ZSWIM5: variants seen among roughly 807,000 people sequenced by gnomAD.
ZSWIM5 encodes zinc finger SWIM-type containing 5.
In ZSWIM5, 55 loss-of-function variants were observed where a neutral mutation model predicts 119.6. The observed-to-expected ratio is 0.46, with a 90% CI of 0.37 to 0.58. The LOEUF is 0.58. ZSWIM5 is among the 20% of genes least tolerant of loss of function. The probability of loss-of-function intolerance (pLI) is 0.00; values close to 1 mark genes in which losing one functional copy is unlikely to be tolerated. For missense variants in ZSWIM5, 1,193 were observed against 1,512.8 expected, an observed-to-expected ratio of 0.79 and a Z score of 3.51; for synonymous variants, 537 against 606.9, an observed-to-expected ratio of 0.88 and a Z score of 1.69.
At chr1:45,038,789 T>G in intron 8 of ZSWIM5, 147 bp downstream of exon 8, 1 of 890,204 alleles carries the variant, frequency 1.1e-6, no homozygotes, top group East Asian at 2.8e-5. Flanking sequence ...AGAGACAGGG[T>G]TTTGCCATGT....
chr1:45,050,263 A>G (rs574307015), intron 5 of ZSWIM5, among the ~76,000 whole-genome samples: 1 of 152,172 alleles, frequency 6.6e-6, no homozygotes, highest in Non-Finnish European at 1.5e-5. Context: ...AGGCTGAGGC[A>G]TGAGAATTGC....
At chr1:45,030,512 G>A (rs1644946672) in intron 11 of ZSWIM5, among the ~76,000 whole-genome samples, 1 of 152,224 alleles carries the variant, frequency 6.6e-6, no homozygotes, top group South Asian at 2.1e-4. Context: ...CTCCCAAAGT[G>A]CTGGGATTAC....
intron 7 of ZSWIM5, among the ~76,000 whole-genome samples, chr1:45,039,571 A>T (rs1645006850): frequency 6.6e-6 from 1 of 151,942 alleles, no homozygotes; most frequent in Non-Finnish European, 1.5e-5. Flanking sequence ...TTTTGATAGA[A>T]CTGGGGTTTC....
intron 1 of ZSWIM5, among the ~76,000 whole-genome samples, chr1:45,194,645 A>C (rs1646111381): frequency 6.6e-6 from 1 of 152,162 alleles, no homozygotes; most frequent in African/African-American, 2.4e-5. Context: ...TGGGAGGCCG[A>C]GGTGGGCGGA....
chr1:45,076,202 A>G (rs1050116543), intron 2 of ZSWIM5, among the ~76,000 whole-genome samples: 1 of 151,988 alleles, frequency 6.6e-6, no homozygotes, highest in Non-Finnish European at 1.5e-5. Flanking sequence ...ACTTACTATC[A>G]CCAGTGAGTT....
At chr1:45,034,080 C>T (rs1195934479) in intron 11 of ZSWIM5, among the ~76,000 whole-genome samples, 1 of 152,180 alleles carries the variant, frequency 6.6e-6, no homozygotes, top group African/African-American at 2.4e-5. Flanking sequence ...GTCTCGATCT[C>T]TTGACCTCGT....
Position 45,034,141 on chromosome 1 carries a change from C to T in ZSWIM5, c.2449+171G>A, listed in dbSNP as rs144556982. On this transcript the variant is annotated intron_variant, in intron 11 of 13. Transcript: ENST00000359600. ...TGCTGGGATTACAGGCGTAAGCCACCGCGCCTGGCCAGGTGCTCTTTCTAA... is the reference window on the plus strand; with the variant it reads ...TGCTGGGATTACAGGCGTAAGCCACTGCGCCTGGCCAGGTGCTCTTTCTAA... 4.2e-3 allele frequency among the ~76,000 whole-genome samples: 647 copies of T among 152,290 alleles called. 5 individuals are homozygous for T. Among genetic ancestry groups the T allele is most frequent in the African/African-American group, 0.015 (619 of 41,558 alleles).
intron 1 of ZSWIM5, among the ~76,000 whole-genome samples, chr1:45,159,809 G>A (rs760973938): frequency 4.6e-5 from 7 of 152,038 alleles, no homozygotes; most frequent in African/African-American, 1.2e-4. Context: ...GGCTAGTCTC[G>A]AACTCCTGAC....
At chr1:45,165,486 T>G (rs754855789) in intron 1 of ZSWIM5, among the ~76,000 whole-genome samples, 23 of 151,774 alleles carry the variant, frequency 1.5e-4, no homozygotes, top group Non-Finnish European at 2.4e-4. Flanking sequence ...CTGAAGGAGA[T>G]AGAGACACAA....
chr1:45,110,597 C>T (rs1209128046), intron 1 of ZSWIM5, among the ~76,000 whole-genome samples: 2 of 152,128 alleles, frequency 1.3e-5, no homozygotes, highest in Non-Finnish European at 2.9e-5. Context: ...AAGTTTCTTT[C>T]GCTCAAAAGT....
At position 45,020,078 on chromosome 1, in the gene ZSWIM5, C is replaced by T; in HGVS notation, c.2683G>A (p.Ala895Thr). The change falls in exon 13 of 14, where the codon GCT becomes ACT. Residue 895 changes from alanine to threonine, a missense_variant. By Grantham distance (58) the Ala-to-Thr change is moderately conservative. Transcript: ENST00000359600. The stretch of plus-strand genomic sequence containing the variant: ...GTGGGAGACTCACCCACTTCTGTAG[C>T]ACAGGTCACCAACCATCGTACCATC... ...REMVRWLVTCATEVGVRALVS... is the reference protein window; with the variant it reads ...REMVRWLVTCTTEVGVRALVS... The T allele has an allele frequency of 6.2e-7, 1 of 1,614,088 alleles. No homozygotes were observed. Among genetic ancestry groups the T allele is most frequent in the Non-Finnish European group, 8.5e-7 (1 of 1,180,004 alleles).
rs1644984567 is a variant in ZSWIM5 at position 45,036,377 on chromosome 1, C to G, written c.1895-78G>C. ...TTCTTTTTTTTTTTTTTTTTTGAGACAGAGTCTTGCTCTGTTGTCCAGGCT... is the reference window on the plus strand; with the variant it reads ...TTCTTTTTTTTTTTTTTTTTTGAGAGAGAGTCTTGCTCTGTTGTCCAGGCT... On this transcript the variant is annotated intron_variant, in intron 8 of 13. Coordinates refer to ENST00000359600, the MANE Select transcript of ZSWIM5 (RefSeq NM_020883.2). 13 of 1,456,072 alleles carry G rather than the reference C, an allele frequency of 8.9e-6. 1 individual carries two copies. The South Asian group carries it at 1.7e-4, about 19-fold the overall frequency. The allele number at this position is 1,456,072 out of a possible 1,614,324, so 90.2% of individuals were successfully genotyped here. A position where few individuals can be genotyped will look rare whatever the true frequency, so the allele number is the denominator to read the frequency against.
chr1:45,082,197 C>T (rs571363563), intron 2 of ZSWIM5, among the ~76,000 whole-genome samples: 5 of 151,720 alleles, frequency 3.3e-5, no homozygotes, highest in South Asian at 2.1e-4. Context: ...TGCGGAAGGC[C>T]GCAGGGTCCT....
chr1:45,176,530 GTT>G lies in ZSWIM5; in HGVS notation c.595+29224_595+29225del, dbSNP rs543144749. ...TCCACCCGCCTTGGCCTCCCAAAGT[GTT>G]GGGATTACAGGCATGAGCCACCGCG... On this transcript the variant is annotated intron_variant, in intron 1 of 13. Transcript: ENST00000359600. 3.3e-5 allele frequency among the ~76,000 whole-genome samples: 5 copies of G among 152,248 alleles called. No homozygotes were observed. In the South Asian group the frequency reaches 1.0e-3, roughly 32 times the overall value.
At chr1:45,188,877 CAAGGGAATAGATAA>C (rs1323915634) in intron 1 of ZSWIM5, among the ~76,000 whole-genome samples, 1 of 152,192 alleles carries the variant, frequency 6.6e-6, no homozygotes, top group Non-Finnish European at 1.5e-5. Context: ...TTCTAATCTC[CAAGGGAATAGATAA>C]AAGGGAATAG....
At chr1:45,020,813 G>C (rs762172574) in intron 11 of ZSWIM5, 25 bp from the exon 12 acceptor site, 1 of 1,607,724 alleles carries the variant, frequency 6.2e-7, no homozygotes, top group South Asian at 1.1e-5. Flanking sequence ...AGAAGGGGCA[G>C]GGTCTATTTT....
At position 45,052,951 on chromosome 1, in the gene ZSWIM5, G is replaced by A. The variant is rs538872596; in HGVS notation, c.1253-1698C>T. ...AGCCTGACTGCCATGGAGAAACCCCGTCTCTACTAAAAATACAAAAAATTA... is the reference window on the plus strand; with the variant it reads ...AGCCTGACTGCCATGGAGAAACCCCATCTCTACTAAAAATACAAAAAATTA... On this transcript the variant is annotated intron_variant, in intron 4 of 13. Transcript: ENST00000359600. Among the ~76,000 whole-genome samples the A allele has an allele frequency of 5.9e-5, 9 of 151,518 alleles. No individual in the cohort carries two copies. The South Asian group carries it at 1.3e-3, about 21-fold the overall frequency.
At chr1:45,102,351 C>T (rs950023077) in intron 1 of ZSWIM5, among the ~76,000 whole-genome samples, 1 of 152,188 alleles carries the variant, frequency 6.6e-6, no homozygotes, top group Non-Finnish European at 1.5e-5. Flanking sequence ...GCATGACCTT[C>T]TCATTTCCTT....
chr1:45,145,050 G>A (rs1476409355), intron 1 of ZSWIM5, among the ~76,000 whole-genome samples: 1 of 152,084 alleles, frequency 6.6e-6, no homozygotes, highest in Non-Finnish European at 1.5e-5. Context: ...TGGCAAATAA[G>A]TACATGAAAA....
Sources: allele counts gnomAD v4.1 joint callset (sites outside exome capture counted in the v4.1 genomes callset), GRCh38; gene constraint gnomAD v4.1.1; transcripts MANE v1.5; gene names NCBI Gene and HGNC (gene_info 2026-07-23, HGNC 2026-07-21).